RBFOX1: variants seen among roughly 807,000 people sequenced by gnomAD.
RBFOX1 encodes RNA binding fox-1 homolog 1, also known as RNA binding protein fox-1 homolog 1.
RBFOX1 carries 8 observed loss-of-function variants against 57.7 expected under a neutral mutation model. The observed-to-expected ratio is 0.14, with a 90% CI of 0.08 to 0.25. The LOEUF (loss-of-function observed/expected upper bound fraction) is 0.25. RBFOX1 is among the 10% of genes least tolerant of loss of function. The probability of loss-of-function intolerance (pLI) is 1.00; values close to 1 mark genes in which losing one functional copy is unlikely to be tolerated. For synonymous variants in RBFOX1, 326 were observed against 222.4 expected (o/e 1.47, Z -4.15); for missense variants, 611 against 548.5 (o/e 1.11, Z -1.14).
chr16:7,489,491 C>G (rs1176088953), intron 4 of RBFOX1, among the ~76,000 whole-genome samples: 2 of 147,350 alleles, frequency 1.4e-5, no homozygotes, highest in African/African-American at 5.0e-5. Context: ...AAAACTGAGG[C>G]TTGGAGAGAG....
intron 4 of RBFOX1, among the ~76,000 whole-genome samples, chr16:7,230,069 G>A (rs1456611449): frequency 2.8e-5 from 4 of 140,846 alleles, no homozygotes; most frequent in Non-Finnish European, 6.2e-5. Flanking sequence ...AGAGAGGAAG[G>A]AAGGGAGGGA....
intron 3 of RBFOX1, among the ~76,000 whole-genome samples, chr16:6,843,999 T>C (rs931259463): frequency 1.1e-4 from 17 of 152,122 alleles, no homozygotes; most frequent in Admixed American, 9.2e-4. Context: ...ACAAAGGATA[T>C]GGCATTTTCT....
chr16:5,833,871 C>T (rs1210675609), intron 3 of RBFOX1, among the ~76,000 whole-genome samples: 1 of 152,120 alleles, frequency 6.6e-6, no homozygotes, highest in African/African-American at 2.4e-5. Flanking sequence ...TATTTGGAAG[C>T]AATAAAGAAT....
intron 4 of RBFOX1, among the ~76,000 whole-genome samples, chr16:7,168,998 A>T (rs1939185757): frequency 6.6e-6 from 1 of 152,186 alleles, no homozygotes; most frequent in Admixed American, 6.5e-5. Flanking sequence ...AAGAGCAATA[A>T]ACTATAGCAC....
At chr16:6,106,568 A>G (rs763975267) in intron 1 of RBFOX1, among the ~76,000 whole-genome samples, 6 of 152,060 alleles carry the variant, frequency 3.9e-5, no homozygotes, top group African/African-American at 7.2e-5. Flanking sequence ...ACGGTCATGG[A>G]CTTTCGTTCA....
intron 3 of RBFOX1, among the ~76,000 whole-genome samples, chr16:6,800,210 C>T (rs116474472): frequency 1.0e-3 from 146 of 145,990 alleles, no homozygotes; most frequent in African/African-American, 3.8e-3. Flanking sequence ...TGCTGTTTTC[C>T]TGCCTCATAA....
At chr16:7,583,888 A>T (rs2093955302) in intron 6 of RBFOX1, among the ~76,000 whole-genome samples, 1 of 151,716 alleles carries the variant, frequency 6.6e-6, no homozygotes, top group Non-Finnish European at 1.5e-5. Context: ...GGTCCACTAA[A>T]CCTCTCTTTA....
intron 2 of RBFOX1, among the ~76,000 whole-genome samples, chr16:6,412,439 A>G (rs1462565999): frequency 6.6e-6 from 1 of 152,154 alleles, no homozygotes; most frequent in East Asian, 1.9e-4. Flanking sequence ...TGTTTGTTCA[A>G]TTCACACTAT....
intron 3 of RBFOX1, among the ~76,000 whole-genome samples, chr16:6,763,468 C>G (rs1302476522): frequency 1.3e-5 from 2 of 152,194 alleles, no homozygotes; most frequent in African/African-American, 4.8e-5. Context: ...GGATATTTCA[C>G]AAGCGTAATG....
At chr16:6,666,426 G>T (rs1458504641) in intron 3 of RBFOX1, among the ~76,000 whole-genome samples, 1 of 151,656 alleles carries the variant, frequency 6.6e-6, no homozygotes, top group African/African-American at 2.4e-5. Flanking sequence ...TCCTAGCCAT[G>T]CTATTCGGGA....
chr16:6,259,201 T>C (rs2097686914), intron 1 of RBFOX1, among the ~76,000 whole-genome samples: 1 of 152,196 alleles, frequency 6.6e-6, no homozygotes, highest in South Asian at 2.1e-4. Flanking sequence ...CCATTGCTTA[T>C]TTACTCAGAT....
intron 4 of RBFOX1, among the ~76,000 whole-genome samples, chr16:7,424,046 G>T (rs1449071393): frequency 6.6e-6 from 1 of 152,136 alleles, no homozygotes; most frequent in Non-Finnish European, 1.5e-5. Context: ...GCACAAGGCA[G>T]CGAAAATCTT....
At chr16:5,383,752 A>G (rs528135514) in intron 1 of RBFOX1, among the ~76,000 whole-genome samples, 1 of 152,340 alleles carries the variant, frequency 6.6e-6, no homozygotes, top group South Asian at 2.1e-4. Flanking sequence ...AGAGGACCTC[A>G]GCCATTCCCT....
chr16:5,952,906 G>A (rs2059549397), intron 4 of RBFOX1, among the ~76,000 whole-genome samples: 6 of 152,152 alleles, frequency 3.9e-5, no homozygotes, highest in Admixed American at 3.9e-4. Flanking sequence ...TTAGGTTTGT[G>A]CTCAGGATCA....
chr16:5,335,964 A>G (rs1036960100), intron 1 of RBFOX1, among the ~76,000 whole-genome samples: 10 of 152,126 alleles, frequency 6.6e-5, no homozygotes, highest in African/African-American at 2.4e-4. Flanking sequence ...AATCCTCCCA[A>G]TCAGTCTGGG....
intron 3 of RBFOX1, among the ~76,000 whole-genome samples, chr16:6,848,207 C>A (rs901243253): frequency 6.6e-6 from 1 of 151,854 alleles, no homozygotes; most frequent in East Asian, 1.9e-4. Context: ...CAGCAAGTGG[C>A]GACACCATGG....
At chr16:6,766,316 GT>G (rs1480724524) in intron 3 of RBFOX1, among the ~76,000 whole-genome samples, 2 of 151,830 alleles carry the variant, frequency 1.3e-5, no homozygotes, top group Non-Finnish European at 2.9e-5. Context: ...TTTTTATTTA[GT>G]TTTTTAATGT....
At chr16:7,491,265 C>T (rs188842227) in intron 4 of RBFOX1, among the ~76,000 whole-genome samples, 9 of 152,012 alleles carry the variant, frequency 5.9e-5, no homozygotes, top group East Asian at 1.9e-4. Flanking sequence ...TCCTTATCTG[C>T]GACTTTGGTT....
intron 3 of RBFOX1, among the ~76,000 whole-genome samples, chr16:6,958,173 G>T (rs1175219095): frequency 1.3e-5 from 2 of 152,156 alleles, no homozygotes; most frequent in Admixed American, 1.3e-4. Flanking sequence ...ACTTAATATG[G>T]GAGGGCTGCA....
Sources: allele counts gnomAD v4.1 joint callset (sites outside exome capture counted in the v4.1 genomes callset), GRCh38; gene constraint gnomAD v4.1.1; transcripts MANE v1.5; gene names NCBI Gene and HGNC (gene_info 2026-07-23, HGNC 2026-07-21).